The following ENOX1 variants were observed in gnomAD, a reference collection of about 807,000 sequenced individuals.
ENOX1 encodes candidate growth-related and time keeping constitutive hydroquinone (NADH) oxidase.
Under a neutral mutation model 82.5 loss-of-function variants are expected in ENOX1, and 42 were observed. The observed-to-expected ratio is 0.51, with a 90% CI of 0.40 to 0.66. The LOEUF (loss-of-function observed/expected upper bound fraction) is 0.66. Ranked by LOEUF, ENOX1 falls within the 30% of genes least tolerant of loss-of-function variation. The pLI is 0.00. For missense variants in ENOX1, 608 were observed against 811.6 expected, an observed-to-expected ratio of 0.75 and a Z score of 3.05; for synonymous variants, 271 against 282.2, an observed-to-expected ratio of 0.96 and a Z score of 0.40.
chr13:43,613,879 C>T (rs936773991), intron 2 of ENOX1, among the ~76,000 whole-genome samples: 1 of 151,844 alleles, frequency 6.6e-6, no homozygotes, highest in African/African-American at 2.4e-5. Flanking sequence ...TGCAGTGAGC[C>T]GCCGAGATCA....
chr13:43,356,370 G>C (rs1247341091), intron 7 of ENOX1, among the ~76,000 whole-genome samples: 1 of 152,120 alleles, frequency 6.6e-6, no homozygotes, highest in Non-Finnish European at 1.5e-5. Context: ...AACACACCTT[G>C]GAGAGCTGTC....
intron 1 of ENOX1, among the ~76,000 whole-genome samples, chr13:43,715,614 T>C (rs2088064785): frequency 6.6e-6 from 1 of 152,210 alleles, no homozygotes. Flanking sequence ...CAATCAGACG[T>C]AGATTTGGTC....
chr13:43,357,606 G>A (rs964938201), intron 7 of ENOX1, among the ~76,000 whole-genome samples: 2 of 152,144 alleles, frequency 1.3e-5, no homozygotes, highest in African/African-American at 4.8e-5. Flanking sequence ...CATAACAGCT[G>A]AGCAGGCAGG....
At chr13:43,729,589 T>C (rs2089211842) in intron 1 of ENOX1, among the ~76,000 whole-genome samples, 1 of 152,262 alleles carries the variant, frequency 6.6e-6, no homozygotes, top group Admixed American at 6.5e-5. Context: ...GCACTAGAAA[T>C]AGTAACAGCA....
intron 1 of ENOX1, among the ~76,000 whole-genome samples, chr13:43,671,903 G>A (rs1374912364): frequency 6.6e-6 from 1 of 152,138 alleles, no homozygotes; most frequent in Non-Finnish European, 1.5e-5. Context: ...GAAATTTGTT[G>A]TAACTTGCTC....
chr13:43,292,388 T>G (rs1200623297), intron 12 of ENOX1, among the ~76,000 whole-genome samples: 3 of 152,168 alleles, frequency 2.0e-5, no homozygotes, highest in African/African-American at 7.2e-5. Flanking sequence ...GCCCACCTAT[T>G]AGGTCCATTA....
Position 43,313,283 on chromosome 13 carries a change from T to A in ENOX1, c.1261+9101A>T, listed in dbSNP as rs76463946. ...TTATTTAATATTTATACCAATATGA[T>A]TAGCTCTTAGAATAAGAAATTATAA... On this transcript the variant is annotated intron_variant, in intron 11 of 16. Transcript: ENST00000690772. Among the ~76,000 whole-genome samples, 109 of 152,324 alleles carry A rather than the reference T, an allele frequency of 7.2e-4. 1 individual carries two copies. Among genetic ancestry groups the A allele is most frequent in the African/African-American group, 2.4e-3 (101 of 41,568 alleles).
chr13:43,738,544 C>A (rs1452210153), intron 1 of ENOX1, among the ~76,000 whole-genome samples: 1 of 152,102 alleles, frequency 6.6e-6, no homozygotes, highest in Non-Finnish European at 1.5e-5. Flanking sequence ...TACTACTTTT[C>A]AAAGAGAGGT....
chr13:43,223,148 T>C (rs1270027393), intron 16 of ENOX1, among the ~76,000 whole-genome samples: 1 of 152,226 alleles, frequency 6.6e-6, no homozygotes. Flanking sequence ...GCTGTGTCTG[T>C]TCAGGGACAC....
chr13:43,669,245 G>A (rs1319065436), intron 1 of ENOX1, among the ~76,000 whole-genome samples: 1 of 152,162 alleles, frequency 6.6e-6, no homozygotes, highest in Admixed American at 6.5e-5. Context: ...AGGGACACTG[G>A]CTATTTGGCA....
intron 15 of ENOX1, among the ~76,000 whole-genome samples, chr13:43,225,070 T>C (rs533196479): frequency 6.6e-6 from 1 of 152,324 alleles, no homozygotes; most frequent in South Asian, 2.1e-4. Context: ...GTATGAACCA[T>C]GGAATACTAT....
intron 2 of ENOX1, among the ~76,000 whole-genome samples, chr13:43,618,997 T>G (rs1246269631): frequency 7.7e-6 from 1 of 130,570 alleles, no homozygotes; most frequent in African/African-American, 2.7e-5. Context: ...TTTTTTTTTT[T>G]GCAGCTATTG....
At chr13:43,668,708 G>A (rs61960077) in intron 1 of ENOX1, among the ~76,000 whole-genome samples, 3,221 of 152,268 alleles carry the variant, frequency 0.021, 44 homozygotes, top group Non-Finnish European at 0.032. Context: ...AATAGGGAAA[G>A]GTCAGCACAA....
chr13:43,387,540 T>A lies in ENOX1; in HGVS notation c.208+24376A>T, dbSNP rs116192950. Among the ~76,000 whole-genome samples, 388 of 152,174 alleles carry A rather than the reference T, an allele frequency of 2.5e-3. 1 individual carries two copies. The highest frequency in any genetic ancestry group is 8.9e-3 in the African/African-American group (371 of 41,530). On this transcript the variant is annotated intron_variant, in intron 5 of 16. Coordinates refer to ENST00000690772, the MANE Select transcript of ENOX1 (RefSeq NM_001347969.2). The stretch of plus-strand genomic sequence containing the variant: ...TTCCCAAGGGCCTCCTCATCCCCAC[T>A]ACTCAACTGGATAACTACTGTCTTT...
At chr13:43,268,680 G>T (rs893183046) in intron 13 of ENOX1, among the ~76,000 whole-genome samples, 1 of 152,060 alleles carries the variant, frequency 6.6e-6, no homozygotes, top group South Asian at 2.1e-4. Flanking sequence ...AATATAAAAC[G>T]ATTATGTGTA....
At chr13:43,270,205 T>G (rs1487984767) in intron 12 of ENOX1, among the ~76,000 whole-genome samples, 1 of 152,186 alleles carries the variant, frequency 6.6e-6, no homozygotes, top group Non-Finnish European at 1.5e-5. Flanking sequence ...CCCTATCAAC[T>G]GTAACTCATG....
At chr13:43,434,945 T>TGG (rs2055916279) in intron 3 of ENOX1, among the ~76,000 whole-genome samples, 1 of 134,220 alleles carries the variant, frequency 7.5e-6, no homozygotes, top group African/African-American at 3.5e-5. Flanking sequence ...TGGTTTTTTT[T>TGG]TTTTTTTTTT....
At chr13:43,335,287 A>G (rs1405312852) in intron 9 of ENOX1, among the ~76,000 whole-genome samples, 1 of 152,212 alleles carries the variant, frequency 6.6e-6, no homozygotes, top group Non-Finnish European at 1.5e-5. Context: ...TTGGTTGGAA[A>G]ACAAACACTA....
chr13:43,387,703 C>CAT (rs2052509210), intron 5 of ENOX1, among the ~76,000 whole-genome samples: 1 of 151,962 alleles, frequency 6.6e-6, no homozygotes, highest in Non-Finnish European at 1.5e-5. Context: ...CACACACACA[C>CAT]ATATATAAAC....
Sources: allele counts gnomAD v4.1 joint callset (sites outside exome capture counted in the v4.1 genomes callset), GRCh38; gene constraint gnomAD v4.1.1; transcripts MANE v1.5; gene names NCBI Gene and HGNC (gene_info 2026-07-23, HGNC 2026-07-21).